SEC14L4: variants seen among roughly 807,000 people sequenced by gnomAD.
The protein encoded by SEC14L4 is SEC14-like protein 4.
Under a neutral mutation model 55.1 loss-of-function variants are expected in SEC14L4, and 42 were observed. The ratio of observed to expected loss-of-function variants is 0.76; its 90% CI spans 0.60 to 0.99. The LOEUF is 0.99. Among genes scored for constraint, SEC14L4 ranks in the 50% least tolerant of loss-of-function variants. The pLI is 0.00. For synonymous variants in SEC14L4, 206 were observed against 206.8 expected, an observed-to-expected ratio of 1.00 and a Z score of 0.03; for missense variants, 445 against 512.1, an observed-to-expected ratio of 0.87 and a Z score of 1.27.
intron 6 of SEC14L4, 115 bp from the exon 7 acceptor site, chr22:30,494,325 T>A: frequency 1.3e-6 from 1 of 770,458 alleles, no homozygotes; most frequent in Non-Finnish European, 2.3e-6. Context: ...CATCCTACCT[T>A]CCCCACAAGC....
At chr22:30,499,180 C>T (rs920922226) in intron 2 of SEC14L4, among the ~76,000 whole-genome samples, 12 of 151,706 alleles carry the variant, frequency 7.9e-5, no homozygotes, top group Non-Finnish European at 1.8e-4. Context: ...CCTGAGCCAC[C>T]GCGCCCGGCC....
At chr22:30,504,409 C>T (rs1170483206) in intron 1 of SEC14L4, among the ~76,000 whole-genome samples, 1 of 152,086 alleles carries the variant, frequency 6.6e-6, no homozygotes, top group Non-Finnish European at 1.5e-5. Context: ...GCCAGCTAGG[C>T]GGTTTTAGGA....
intron 1 of SEC14L4, 25 bp downstream of exon 1, chr22:30,505,533 C>A: frequency 6.4e-7 from 1 of 1,555,524 alleles, no homozygotes; most frequent in Non-Finnish European, 8.7e-7. Flanking sequence ...CCTCCTCAAG[C>A]CTCCCAGCCC....
Sources: allele counts gnomAD v4.1 joint callset (sites outside exome capture counted in the v4.1 genomes callset), GRCh38; gene constraint gnomAD v4.1.1; transcripts MANE v1.5; gene names NCBI Gene and HGNC (gene_info 2026-07-23, HGNC 2026-07-21).